Variants in UTRN observed in about 807,000 individuals in gnomAD.
UTRN encodes dystrophin-related protein 1.
Under a neutral mutation model 463.9 loss-of-function variants are expected in UTRN, and 283 were observed. That is an observed-to-expected ratio of 0.61 (90% CI 0.55 to 0.67). UTRN has a LOEUF of 0.67. Ranked by LOEUF, UTRN falls within the 30% of genes least tolerant of loss-of-function variation. The pLI, the probability that UTRN is intolerant of heterozygous loss-of-function variation, is 0.00. For synonymous variants in UTRN, 1,442 were observed against 1,431.5 expected, an observed-to-expected ratio of 1.01 and a Z score of -0.17; for missense variants, 3,922 against 4,084.3, an observed-to-expected ratio of 0.96 and a Z score of 1.08.
chr6:144,444,254 A>G lies in UTRN; in HGVS notation c.1513-27A>G, dbSNP rs112810762. On this transcript the variant is annotated intron_variant, in intron 13 of 74. Coordinates refer to ENST00000367545, the MANE Select transcript of UTRN (RefSeq NM_007124.3). Reference sequence around the variant, plus strand: ...ATAACTCTCTCTTAAGGCTGTGTTGACAAAGGATGGTTTCTCCTTTTTCTA... The same window carrying G: ...ATAACTCTCTCTTAAGGCTGTGTTGGCAAAGGATGGTTTCTCCTTTTTCTA... 3.1e-6 allele frequency: 5 copies of G among 1,588,212 alleles called. No homozygotes were observed. The African/African-American group carries it at 4.0e-5, about 13-fold the overall frequency.
intron 52 of UTRN, among the ~76,000 whole-genome samples, chr6:144,688,289 C>A (rs1262487894): frequency 6.6e-6 from 1 of 151,802 alleles, no homozygotes; most frequent in Non-Finnish European, 1.5e-5. Flanking sequence ...TTTATAACTT[C>A]TTTATGTTGT....
chr6:144,299,934 T>C (rs1416655397), intron 2 of UTRN, among the ~76,000 whole-genome samples: 1 of 152,194 alleles, frequency 6.6e-6, no homozygotes, highest in Non-Finnish European at 1.5e-5. Flanking sequence ...CTATGCTTGC[T>C]TTTGAAATAA....
chr6:144,428,002 C>T (rs1455264139), intron 7 of UTRN, among the ~76,000 whole-genome samples: 1 of 151,994 alleles, frequency 6.6e-6, no homozygotes, highest in Non-Finnish European at 1.5e-5. Context: ...CTGCAGTGAC[C>T]TGAGTGGGGG....
chr6:144,498,073 C>G (rs1156901411), intron 33 of UTRN, among the ~76,000 whole-genome samples: 4 of 152,180 alleles, frequency 2.6e-5, no homozygotes, highest in Non-Finnish European at 5.9e-5. Flanking sequence ...TGACAGAGTG[C>G]AGTTACCTGT....
At position 144,285,405 on chromosome 6, in the gene UTRN, G is replaced by A. The variant is rs888641942; in HGVS notation, c.-509G>A. On this transcript the variant is annotated 5_prime_UTR_variant, in exon 1 of 75. Coordinates refer to ENST00000367545, the MANE Select transcript of UTRN (RefSeq NM_007124.3). Reference sequence around the variant, plus strand: ...GCTTTCTCCCGCCGAGGGGCGAGGAGGAGCCTCTGGCTCCAGAAGCCGATT... The same window carrying A: ...GCTTTCTCCCGCCGAGGGGCGAGGAAGAGCCTCTGGCTCCAGAAGCCGATT... Among the ~76,000 whole-genome samples the A allele has an allele frequency of 3.9e-5, 6 of 152,202 alleles. No individual in the cohort carries two copies. Among genetic ancestry groups the A allele is most frequent in the Non-Finnish European group, 7.3e-5 (5 of 68,028 alleles).
In UTRN at chr6:144,291,813, T is replaced by C; in HGVS notation, c.-16T>C. The stretch of plus-strand genomic sequence containing the variant: ...GACTTGGTAAAGTTTTTGGATTATC[T>C]TGAAACTCTGGCAAGATGGCCAAGT... On this transcript the variant is annotated 5_prime_UTR_variant, in exon 2 of 75. Transcript: ENST00000367545. 1 of 1,609,846 alleles carries C rather than the reference T, an allele frequency of 6.2e-7. No homozygotes were observed. The highest frequency in any genetic ancestry group is 8.5e-7 in the Non-Finnish European group (1 of 1,178,516).
intron 52 of UTRN, among the ~76,000 whole-genome samples, chr6:144,691,727 T>C (rs1783437563): frequency 6.6e-6 from 1 of 152,210 alleles, no homozygotes; most frequent in African/African-American, 2.4e-5. Flanking sequence ...TTCTGCCTAG[T>C]GTTGCACTAG....
chr6:144,661,903 G>C (rs1779905689), intron 51 of UTRN, among the ~76,000 whole-genome samples: 1 of 152,102 alleles, frequency 6.6e-6, no homozygotes, highest in African/African-American at 2.4e-5. Flanking sequence ...CCATGTCTTA[G>C]TATTTGTCTT....
rs1215479693 is a variant in UTRN, at chr6:144,772,038, T to TGG, written c.8557+70_8557+71insGG. The TGG allele has an allele frequency of 6.4e-6, 7 of 1,089,776 alleles. No individual in the cohort carries two copies. The African/African-American group carries it at 1.5e-4, about 24-fold the overall frequency. The allele number at this position is 1,089,776 out of a possible 1,614,324, so 67.5% of individuals were successfully genotyped here. A position where few individuals can be genotyped will look rare whatever the true frequency, so the allele number is the denominator to read the frequency against. On this transcript the variant is annotated intron_variant, in intron 59 of 74. Transcript: ENST00000367545. ...CCGGTTTTTTTTTTTTTTTTTTTTT[T>TGG]TTTTTTTTTTTTTTTAAGGTGGATT...
At chr6:144,773,504 C>T (rs1775041258) in intron 59 of UTRN, among the ~76,000 whole-genome samples, 1 of 152,120 alleles carries the variant, frequency 6.6e-6, no homozygotes, top group Non-Finnish European at 1.5e-5. Context: ...GTCATGGTGA[C>T]CCTCCTATAA....
At chr6:144,596,630 G>C (rs1312638120) in intron 51 of UTRN, among the ~76,000 whole-genome samples, 1 of 152,190 alleles carries the variant, frequency 6.6e-6, no homozygotes, top group Non-Finnish European at 1.5e-5. Context: ...TGATTTACTT[G>C]AAGGTGGTTC....
intron 65 of UTRN, among the ~76,000 whole-genome samples, chr6:144,811,246 C>T (rs1016851088): frequency 2.0e-5 from 3 of 152,088 alleles, no homozygotes; most frequent in Admixed American, 6.6e-5. Flanking sequence ...CAATGTACTT[C>T]GTAAGACTAT....
In UTRN at chr6:144,577,130, G is replaced by T. The variant is rs1257845140; in HGVS notation, c.7321G>T (p.Glu2441Ter). 1 of 1,613,678 alleles carries T rather than the reference G, an allele frequency of 6.2e-7. No individual in the cohort carries two copies. The highest frequency in any genetic ancestry group is 1.3e-5 in the African/African-American group (1 of 74,910). The change falls in exon 51 of 75, where the codon GAG (glutamate) becomes TAG (stop). Residue 2441 changes from glutamate to a stop codon, truncating the protein, a stop_gained. Coordinates refer to ENST00000367545, the MANE Select transcript of UTRN (RefSeq NM_007124.3). LOFTEE classifies it high-confidence loss of function. ...TGACAGACAGAACGCCTTGGAGGCTGAGTGGAGGACGGTGCAGGCCTCTCG... is the reference window on the plus strand; with the variant it reads ...TGACAGACAGAACGCCTTGGAGGCTTAGTGGAGGACGGTGCAGGCCTCTCG... ...IADRQNALEAEWRTVQASRRD... is the reference protein window; with the variant it reads ...IADRQNALEA
intron 41 of UTRN, among the ~76,000 whole-genome samples, chr6:144,526,902 T>A (rs1267861211): frequency 6.6e-6 from 1 of 152,086 alleles, no homozygotes; most frequent in African/African-American, 2.4e-5. Flanking sequence ...GTTCAAGCAG[T>A]TCTCTGCCTC....
chr6:144,805,356 A>G (rs1398382837), intron 65 of UTRN, among the ~76,000 whole-genome samples: 1 of 152,202 alleles, frequency 6.6e-6, no homozygotes, highest in African/African-American at 2.4e-5. Context: ...ATGAATGGAT[A>G]ATGAGATAGA....
intron 3 of UTRN, among the ~76,000 whole-genome samples, chr6:144,413,922 G>C (rs1784136390): frequency 6.6e-6 from 1 of 152,112 alleles, no homozygotes; most frequent in Non-Finnish European, 1.5e-5. Flanking sequence ...TTCTGCCTCA[G>C]CTTCCTGAGT....
At chr6:144,348,118 T>A (rs911597970) in intron 2 of UTRN, among the ~76,000 whole-genome samples, 63 of 152,088 alleles carry the variant, frequency 4.1e-4, no homozygotes, top group African/African-American at 1.4e-3. Flanking sequence ...AATGCTGGGA[T>A]TACAGGCCTG....
intron 27 of UTRN, 29 bp downstream of exon 27, chr6:144,482,417 A>ATTG: frequency 1.1e-5 from 12 of 1,092,620 alleles, no homozygotes; most frequent in Non-Finnish European, 1.3e-5. Flanking sequence ...TGTTGTTATT[A>ATTG]TTATTATTAT....
At chr6:144,833,623 A>G (rs910170936) in intron 69 of UTRN, among the ~76,000 whole-genome samples, 4 of 152,120 alleles carry the variant, frequency 2.6e-5, no homozygotes, top group Non-Finnish European at 5.9e-5. Flanking sequence ...TCTATCTACT[A>G]TATCTTTACG....
Sources: gnomAD v4.1 joint callset for allele counts (sites outside exome capture counted in the v4.1 genomes callset) on GRCh38, gnomAD v4.1.1 for gene constraint, MANE v1.5 for transcripts, NCBI Gene and HGNC (gene_info 2026-07-23, HGNC 2026-07-21) for gene names.